The following LRP2 variants were observed in gnomAD, a reference collection of about 807,000 sequenced individuals.
LRP2 encodes LDL receptor related protein 2.
Under a neutral mutation model 531.0 loss-of-function variants are expected in LRP2, and 172 were observed. The ratio of observed to expected loss-of-function variants is 0.32; its 90% CI spans 0.29 to 0.37. LRP2 has a LOEUF of 0.37. LRP2 is among the 10% of genes least tolerant of loss of function. LRP2 has a pLI of 1.00. For synonymous variants in LRP2, 1,992 were observed against 2,027.6 expected, an observed-to-expected ratio of 0.98 and a Z score of 0.47; for missense variants, 5,167 against 5,868.3, an observed-to-expected ratio of 0.88 and a Z score of 3.90.
At position 169,185,964 on chromosome 2, in the gene LRP2, G is replaced by T; in HGVS notation, c.9384C>A (p.Asp3128Glu). The part of the protein sequence containing the change: ...SISGCDHNCT[D>E]TLTSFYCSCR... ...AGGAACAATAGAAACTGGTTAAGGT[G>T]TCTGTGCAGTTGTGATCGCAGCCAC... Residue 3128 changes from aspartate to glutamate, a missense_variant, in exon 50 of 79, where the codon GAC becomes GAA. Physicochemically the swap from Asp to Glu is conservative, Grantham distance 45 (BLOSUM62 2). Transcript: ENST00000649046. 1 of 1,613,994 alleles carries T rather than the reference G, an allele frequency of 6.2e-7. No homozygotes were observed. Among genetic ancestry groups the T allele is most frequent in the Non-Finnish European group, 8.5e-7 (1 of 1,179,966 alleles).
chr2:169,159,858 C>G (rs1203934554), intron 63 of LRP2, among the ~76,000 whole-genome samples: 4 of 152,052 alleles, frequency 2.6e-5, no homozygotes, highest in Non-Finnish European at 1.5e-5. Context: ...ATTAGGGGTC[C>G]CAGGAGTCAA....
At chr2:169,344,676 T>C (rs1360753652) in intron 1 of LRP2, among the ~76,000 whole-genome samples, 1 of 152,184 alleles carries the variant, frequency 6.6e-6, no homozygotes, top group Non-Finnish European at 1.5e-5. Context: ...GAGTTTTAAC[T>C]TAGAAAACAT....
intron 63 of LRP2, among the ~76,000 whole-genome samples, chr2:169,158,077 C>CAT (rs895606885): frequency 6.6e-6 from 1 of 150,912 alleles, no homozygotes; most frequent in Non-Finnish European, 1.5e-5. Flanking sequence ...CACACACACA[C>CAT]ACACACACAC....
At chr2:169,191,558 G>A (rs1412653989) in intron 48 of LRP2, among the ~76,000 whole-genome samples, 2 of 151,712 alleles carry the variant, frequency 1.3e-5, no homozygotes, top group Non-Finnish European at 2.9e-5. Context: ...TGTTAATATG[G>A]TATTATGTAT....
rs1340173350 is a variant in LRP2 at position 169,172,991 on chromosome 2, AG to A, written c.11143+104del. On this transcript the variant is annotated intron_variant, in intron 57 of 78. Transcript: ENST00000649046. ...ACCATTTTTTTACAGAGGTAAACAAAGAAAAGATGACATGGGAAATACACTC... is the reference window on the plus strand; with the variant it reads ...ACCATTTTTTTACAGAGGTAAACAAAAAAAGATGACATGGGAAATACACTC... The A allele has an allele frequency of 8.9e-6, 13 of 1,465,828 alleles. No homozygotes were observed. The African/African-American group carries it at 1.4e-4, about 16-fold the overall frequency. 90.8% of individuals were successfully genotyped at this position (1,465,828 alleles called of 1,614,324 possible). A position where few individuals can be genotyped will look rare whatever the true frequency, so the allele number is the denominator to read the frequency against.
chr2:169,298,640 G>T (rs1684192903), intron 4 of LRP2, among the ~76,000 whole-genome samples: 1 of 152,096 alleles, frequency 6.6e-6, no homozygotes, highest in South Asian at 2.1e-4. Context: ...CTTTCTGCCA[G>T]TCAGTTTCCC....
chr2:169,336,654 T>A (rs911876436), intron 1 of LRP2, among the ~76,000 whole-genome samples: 1 of 152,050 alleles, frequency 6.6e-6, no homozygotes, highest in African/African-American at 2.4e-5. Context: ...CCCTCCAAAG[T>A]ATTCTCCACT....
At chr2:169,333,690 A>T (rs1056527832) in intron 1 of LRP2, among the ~76,000 whole-genome samples, 2 of 152,180 alleles carry the variant, frequency 1.3e-5, no homozygotes, top group Non-Finnish European at 2.9e-5. Flanking sequence ...AGAAGGACCT[A>T]TTATATTTGC....
Position 169,294,603 on chromosome 2 carries a change from A to G in LRP2, c.535T>C (p.Cys179Arg), listed in dbSNP as rs901055782. The G allele has an allele frequency of 1.1e-5, 18 of 1,606,634 alleles. No homozygotes were observed. The highest frequency in any genetic ancestry group is 1.3e-5 in the Non-Finnish European group (15 of 1,173,586). ...DCRDSSDEIN[C>R]TEICLHNEFS... ...ACATCTTGTGCACAATACTTACTGC[A>G]GTTGATTTCATCTGAGGAGTCCCTG... The change falls in exon 5 of 79, where the codon TGC becomes CGC. Residue 179 changes from cysteine to arginine, a missense_variant. Cys to Arg is a radical substitution (Grantham distance 180). Coordinates refer to ENST00000649046, the MANE Select transcript of LRP2 (RefSeq NM_004525.3).
chr2:169,152,782 A>G lies in LRP2; in HGVS notation c.12461+17T>C, dbSNP rs1484421610. On this transcript the variant is annotated intron_variant, in intron 67 of 78. Coordinates refer to ENST00000649046, the MANE Select transcript of LRP2 (RefSeq NM_004525.3). ...GGAAAACAGAACAGGTAAGGGGGGAATGTATGGCAAATTTACCTTCCAACC... is the reference window on the plus strand; with the variant it reads ...GGAAAACAGAACAGGTAAGGGGGGAGTGTATGGCAAATTTACCTTCCAACC... 4 of 1,613,506 alleles carry G rather than the reference A, an allele frequency of 2.5e-6. No homozygotes were observed. The highest frequency in any genetic ancestry group is 2.7e-5 in the African/African-American group (2 of 74,890).
chr2:169,294,188 A>T lies in LRP2; in HGVS notation c.612T>A (p.His204Gln). Residue 204 changes from histidine (H) to glutamine (Q), a missense_variant, in exon 6 of 79, where the codon CAT (histidine) becomes CAA (glutamine). His to Gln is a conservative substitution (Grantham distance 24). Coordinates refer to ENST00000649046, the MANE Select transcript of LRP2 (RefSeq NM_004525.3). ...CACTGCCGTCTTGGCAATCATTGTC[A>T]TGGTCACAGACATAAGCACGAGGGA... ...ECIPRAYVCD[H>Q]DNDCQDGSDE... 6.2e-7 allele frequency: 1 copy of T among 1,613,998 alleles called. No homozygotes were observed. Among genetic ancestry groups the T allele is most frequent in the Non-Finnish European group, 8.5e-7 (1 of 1,179,856 alleles).
At chr2:169,198,622 C>A (rs553786978) in intron 45 of LRP2, among the ~76,000 whole-genome samples, 164 bp downstream of exon 45, 3 of 152,228 alleles carry the variant, frequency 2.0e-5, no homozygotes, top group Non-Finnish European at 4.4e-5. Context: ...GTTTCTCATA[C>A]CCCTGCAATC....
intron 1 of LRP2, among the ~76,000 whole-genome samples, chr2:169,360,128 C>CAAAAAAAAAAAAAA (rs67818940): frequency 2.9e-5 from 3 of 105,036 alleles, no homozygotes; most frequent in African/African-American, 1.3e-4. Flanking sequence ...CTGTCTCTCT[C>CAAAAAAAAAAAAAA]AAAAAAAAAA....
At chr2:169,273,570 C>A (rs77612812) in intron 14 of LRP2, among the ~76,000 whole-genome samples, 6,839 of 152,240 alleles carry the variant, frequency 0.045, 326 homozygotes, top group Admixed American at 0.16. Flanking sequence ...TATTCAGCAG[C>A]TAAACAGCTT....
At chr2:169,327,905 G>A (rs1394379517) in intron 1 of LRP2, among the ~76,000 whole-genome samples, 1 of 88,782 alleles carries the variant, frequency 1.1e-5, no homozygotes, top group Non-Finnish European at 2.3e-5. Context: ...CCCCCCGCCC[G>A]GCCAGCCGCC....
intron 4 of LRP2, among the ~76,000 whole-genome samples, chr2:169,304,010 A>C (rs1012669903): frequency 1.3e-5 from 2 of 152,190 alleles, no homozygotes; most frequent in Admixed American, 1.3e-4. Context: ...GCAGCTACTT[A>C]CATATTCGTA....
At chr2:169,225,255 A>G in intron 33 of LRP2, 55 bp downstream of exon 33, 4 of 1,563,582 alleles carry the variant, frequency 2.6e-6, no homozygotes, top group Non-Finnish European at 3.5e-6. Context: ...CTGAGACTAG[A>G]GTTTACATCA....
chr2:169,360,058 G>A (rs1439121007), intron 1 of LRP2, among the ~76,000 whole-genome samples: 1 of 149,730 alleles, frequency 6.7e-6, no homozygotes, highest in Non-Finnish European at 1.5e-5. Context: ...CTGGGAGGCA[G>A]AGGTTGCAGT....
intron 54 of LRP2, 113 bp from the exon 55 acceptor site, chr2:169,175,502 G>A (rs1687158858): frequency 2.1e-6 from 2 of 944,672 alleles, no homozygotes; most frequent in East Asian, 2.5e-5. Context: ...CTCTCTCGTG[G>A]CCCTAGAAGA....
Sources: allele counts gnomAD v4.1 joint callset (sites outside exome capture counted in the v4.1 genomes callset), GRCh38; gene constraint gnomAD v4.1.1; transcripts MANE v1.5; gene names NCBI Gene and HGNC (gene_info 2026-07-23, HGNC 2026-07-21).